The following COL24A1 variants were observed in gnomAD, a reference collection of about 807,000 sequenced individuals.
COL24A1 encodes collagen alpha-1(XXIV) chain.
COL24A1 carries 224 observed loss-of-function variants against 253.9 expected under a neutral mutation model. That is an observed-to-expected ratio of 0.88 (90% confidence interval 0.79 to 0.99). The LOEUF (loss-of-function observed/expected upper bound fraction) is 0.99, where lower values mean the gene tolerates loss of function less well. Among genes scored for constraint, COL24A1 ranks in the 50% least tolerant of loss-of-function variants. COL24A1 has a pLI of 0.00. For synonymous variants in COL24A1, 685 were observed against 673.7 expected, an observed-to-expected ratio of 1.02 and a Z score of -0.26; for missense variants, 2,131 against 2,068.5, an observed-to-expected ratio of 1.03 and a Z score of -0.59.
chr1:86,007,049 AAATAAT>A lies in COL24A1; in HGVS notation c.2310+10096_2310+10101del, dbSNP rs147729217. On this transcript the variant is annotated intron_variant, in intron 19 of 59. Coordinates refer to ENST00000370571, the MANE Select transcript of COL24A1 (RefSeq NM_152890.7). ...CAACATAGTGAGACCTTGTCTCTAC[AAATAAT>A]AATAATAATAATAGCTGGGCACAGT... 4.2e-3 allele frequency among the ~76,000 whole-genome samples: 632 copies of A among 151,104 alleles called. 1 individual carries two copies. Among genetic ancestry groups the A allele is most frequent in the African/African-American group, 0.014 (584 of 40,922 alleles).
rs1174291398 is a variant in COL24A1, at chr1:85,947,587, A to G, written c.2562+13662T>C. Among the ~76,000 whole-genome samples the G allele has an allele frequency of 2.6e-5, 4 of 152,346 alleles. No individual in the cohort carries two copies. In the East Asian group the frequency reaches 7.7e-4, roughly 29 times the overall value. On this transcript the variant is annotated intron_variant, in intron 24 of 59. Transcript: ENST00000370571. ...GAAAAAAATAACTGATACTTTAACAATAAAGAGCCTCTGATAATTCTGTTA... is the reference window on the plus strand; with the variant it reads ...GAAAAAAATAACTGATACTTTAACAGTAAAGAGCCTCTGATAATTCTGTTA...
intron 2 of COL24A1, among the ~76,000 whole-genome samples, chr1:86,145,639 A>T (rs906228983): frequency 6.6e-6 from 1 of 152,098 alleles, no homozygotes; most frequent in African/African-American, 2.4e-5. Flanking sequence ...AGGCACAAAC[A>T]AAACAGGTTT....
At chr1:86,120,107 G>C (rs1297569297) in intron 3 of COL24A1, among the ~76,000 whole-genome samples, 1 of 152,168 alleles carries the variant, frequency 6.6e-6, no homozygotes, top group Non-Finnish European at 1.5e-5. Context: ...AGCTGAAACT[G>C]GATCCCTGCC....
chr1:85,761,127 A>G (rs1157182192), intron 55 of COL24A1, among the ~76,000 whole-genome samples: 1 of 152,212 alleles, frequency 6.6e-6, no homozygotes, highest in Non-Finnish European at 1.5e-5. Flanking sequence ...CTTATTATGT[A>G]TTATACAATG....
At chr1:85,953,858 C>T (rs943882054) in intron 24 of COL24A1, among the ~76,000 whole-genome samples, 29 of 151,992 alleles carry the variant, frequency 1.9e-4, no homozygotes, top group South Asian at 4.2e-4. Flanking sequence ...CCTTAAAAAT[C>T]AGAGGTTATT....
chr1:85,766,399 G>GAA (rs1295770109), intron 53 of COL24A1, among the ~76,000 whole-genome samples: 3,834 of 130,434 alleles, frequency 0.029, 64 homozygotes, highest in East Asian at 0.071. Flanking sequence ...AAGAAAGAAA[G>GAA]AAAGAAAAAG....
intron 24 of COL24A1, among the ~76,000 whole-genome samples, chr1:85,927,898 C>T (rs1687486645): frequency 7.2e-6 from 1 of 139,788 alleles, no homozygotes; most frequent in Non-Finnish European, 1.6e-5. Context: ...AAACTAAAAA[C>T]CAGAAAGGAC....
chr1:85,827,759 T>C (rs1046805660), intron 43 of COL24A1, among the ~76,000 whole-genome samples: 5 of 152,112 alleles, frequency 3.3e-5, no homozygotes, highest in Admixed American at 1.3e-4. Context: ...TTCTGTGGGA[T>C]CAGTGGTGAT....
intron 19 of COL24A1, among the ~76,000 whole-genome samples, chr1:86,011,619 G>GA (rs917781813): frequency 2.0e-5 from 3 of 152,234 alleles, no homozygotes; most frequent in African/African-American, 4.8e-5. Flanking sequence ...AATGTCAATG[G>GA]AAAAAATCCA....
At chr1:85,874,571 G>C in intron 35 of COL24A1, 78 bp downstream of exon 35, 2 of 1,274,048 alleles carry the variant, frequency 1.6e-6, no homozygotes, top group Non-Finnish European at 2.2e-6. Flanking sequence ...CCAATTTTTT[G>C]AGTGTTTCGA....
intron 53 of COL24A1, among the ~76,000 whole-genome samples, chr1:85,767,278 A>G (rs368864359): frequency 1.3e-5 from 2 of 152,108 alleles, no homozygotes; most frequent in East Asian, 3.9e-4. Context: ...TCTGAGAATG[A>G]CCTCCGCGAA....
chr1:85,833,054 G>T lies in COL24A1; in HGVS notation c.3681+5531C>A, dbSNP rs912961914. The stretch of plus-strand genomic sequence containing the variant: ...TTTTTGCCCATTCAGTATGATACTG[G>T]CTGTGGGTTTGTCATAGATAGCTCT... On this transcript the variant is annotated intron_variant, in intron 43 of 59. Transcript: ENST00000370571. Among the ~76,000 whole-genome samples the T allele has an allele frequency of 3.3e-5, 5 of 151,938 alleles. No homozygotes were observed. In the South Asian group the frequency reaches 8.3e-4, roughly 25 times the overall value.
At position 85,858,621 on chromosome 1, in the gene COL24A1, C is replaced by CTCCTTCCTTCCTTCCT. The variant is rs1192322864; in HGVS notation, c.3301-9231_3301-9216dup. 4.7e-3 allele frequency among the ~76,000 whole-genome samples: 538 copies of CTCCTTCCTTCCTTCCT among 113,276 alleles called. 2 individuals carry two copies. Among genetic ancestry groups the CTCCTTCCTTCCTTCCT allele is most frequent in the Non-Finnish European group, 6.3e-3 (326 of 51,998 alleles). The allele number at this position is 113,276 out of a possible 152,430, so 74.3% of individuals were successfully genotyped here. A position where few individuals can be genotyped will look rare whatever the true frequency, so the allele number is the denominator to read the frequency against. ...AACATATTTTCTCCTTATTTTCTCC[C>CTCCTTCCTTCCTTCCT]TCCTTCCTTCCTTCCTTCCTTCCTT... is the stretch of plus-strand genomic sequence containing the variant. On this transcript the variant is annotated intron_variant, in intron 37 of 59. Transcript: ENST00000370571.
chr1:85,837,988 C>CA (rs1409249679), intron 43 of COL24A1, among the ~76,000 whole-genome samples: 2 of 152,180 alleles, frequency 1.3e-5, no homozygotes, highest in Non-Finnish European at 2.9e-5. Flanking sequence ...ACGTTCTACA[C>CA]ACAGCCTAAT....
chr1:85,806,075 C>CAAA (rs59669169), intron 47 of COL24A1, among the ~76,000 whole-genome samples: 3 of 95,122 alleles, frequency 3.2e-5, no homozygotes, highest in African/African-American at 1.1e-4. Context: ...GACTCCGTCT[C>CAAA]AAAAAAAAAA....
At chr1:85,960,611 A>C (rs1384901119) in intron 24 of COL24A1, 1 of 152,088 alleles carries the variant, frequency 6.6e-6, no homozygotes, top group Non-Finnish European at 1.5e-5. Context: ...GGCTGAGTGC[A>C]GTGGCTCACA....
intron 22 of COL24A1, among the ~76,000 whole-genome samples, chr1:85,968,522 AAAAGC>A (rs1571408020): frequency 6.6e-6 from 1 of 152,164 alleles, no homozygotes; most frequent in Non-Finnish European, 1.5e-5. Context: ...CTAACAAGCA[AAAAGC>A]AAAGCAAAGA....
intron 24 of COL24A1, among the ~76,000 whole-genome samples, chr1:85,940,651 A>C (rs1688672430): frequency 6.6e-6 from 1 of 152,178 alleles, no homozygotes; most frequent in African/African-American, 2.4e-5. Flanking sequence ...TGGATACATA[A>C]AGTTTTATAA....
chr1:86,033,135 T>C (rs1197557196), intron 13 of COL24A1, among the ~76,000 whole-genome samples: 1 of 152,114 alleles, frequency 6.6e-6, no homozygotes, highest in African/African-American at 2.4e-5. Context: ...TAGTTTTAAT[T>C]TGGAAAAGAG....
Sources: gnomAD v4.1 joint callset for allele counts (sites outside exome capture counted in the v4.1 genomes callset) on GRCh38, gnomAD v4.1.1 for gene constraint, MANE v1.5 for transcripts, NCBI Gene and HGNC (gene_info 2026-07-23, HGNC 2026-07-21) for gene names.